The following UGT1A8 variants were observed in gnomAD, a reference collection of about 807,000 sequenced individuals.
The protein encoded by UGT1A8 is UDP glucuronosyltransferase family 1 member A8.
UGT1A8 carries 39 observed loss-of-function variants against 45.3 expected under a neutral mutation model. The observed-to-expected ratio is 0.86, with a 90% confidence interval of 0.67 to 1.12. The LOEUF (loss-of-function observed/expected upper bound fraction) is 1.12, where lower values mean the gene tolerates loss of function less well. Among genes scored for constraint, UGT1A8 ranks in the 50% most tolerant of loss-of-function variants. The pLI is 0.00. For missense variants in UGT1A8, 719 were observed against 664.9 expected (o/e 1.08, Z -0.90); for synonymous variants, 275 against 249.2 (o/e 1.10, Z -0.97).
intron 1 of UGT1A8, among the ~76,000 whole-genome samples, chr2:233,758,114 C>T (rs192892910): frequency 7.9e-5 from 12 of 152,298 alleles, no homozygotes; most frequent in South Asian, 2.1e-4. Context: ...AGGGCTCACA[C>T]GTTCCATAAA....
chr2:233,723,201 A>T (rs11677089), intron 1 of UGT1A8, among the ~76,000 whole-genome samples: 2,577 of 129,328 alleles, frequency 0.02, 30 homozygotes, highest in Non-Finnish European at 0.026. Context: ...TGGTAAAAAA[A>T]GTCAAAACTG....
chr2:233,626,403 G>A (rs759705695), intron 1 of UGT1A8, among the ~76,000 whole-genome samples: 39 of 151,800 alleles, frequency 2.6e-4, no homozygotes, highest in Non-Finnish European at 4.9e-4. Context: ...TTAATTCCTC[G>A]AGTGTGGTGT....
At chr2:233,682,391 G>A (rs767701410) in intron 1 of UGT1A8, 9 of 1,613,738 alleles carry the variant, frequency 5.6e-6, no homozygotes, top group African/African-American at 2.7e-5. Flanking sequence ...TCCTTTTGAT[G>A]CCTGTGGCTT....
intron 1 of UGT1A8, among the ~76,000 whole-genome samples, chr2:233,738,477 G>C (rs971989724): frequency 6.6e-6 from 1 of 152,224 alleles, no homozygotes; most frequent in African/African-American, 2.4e-5. Context: ...GAACTTCCTG[G>C]AGACTTGTTG....
intron 1 of UGT1A8, among the ~76,000 whole-genome samples, chr2:233,710,292 TGTTGG>T (rs2076124594): frequency 6.6e-6 from 1 of 152,204 alleles, no homozygotes; most frequent in African/African-American, 2.4e-5. Context: ...AAAGTGGGAT[TGTTGG>T]GTTGCATGGT....
Position 233,693,985 on chromosome 2 carries a change from A to T in UGT1A8, c.856-73049A>T. On this transcript the variant is annotated intron_variant, in intron 1 of 4. Coordinates refer to ENST00000373450, the MANE Select transcript of UGT1A8 (RefSeq NM_019076.5). Reference sequence around the variant, plus strand: ...ATTTCCTGGAGAAACGGTGGGGGGAAGTGATACCCGGCTCGGAGCAGCGGG... The same window carrying T: ...ATTTCCTGGAGAAACGGTGGGGGGATGTGATACCCGGCTCGGAGCAGCGGG... 3 of 1,547,250 alleles carry T rather than the reference A, an allele frequency of 1.9e-6. No individual in the cohort carries two copies. The Admixed American group carries it at 5.6e-5, about 29-fold the overall frequency.
intron 1 of UGT1A8, chr2:233,682,648 C>T: frequency 6.2e-7 from 1 of 1,613,878 alleles, no homozygotes; most frequent in South Asian, 1.1e-5. Context: ...TTCTCCAAAC[C>T]CCTGTCACGG....
intron 1 of UGT1A8, chr2:233,761,188 C>A: frequency 6.2e-7 from 1 of 1,614,130 alleles, no homozygotes; most frequent in Non-Finnish European, 8.5e-7. Context: ...TGCGTATATT[C>A]TTTCAGATGT....
chr2:233,713,196 A>C (rs775448281), intron 1 of UGT1A8: 1 of 1,614,238 alleles, frequency 6.2e-7, no homozygotes, highest in Non-Finnish European at 8.5e-7. Flanking sequence ...GAATATGTAC[A>C]TCAAAGAAGA....
intron 1 of UGT1A8, among the ~76,000 whole-genome samples, chr2:233,637,998 C>T (rs1366403932): frequency 6.6e-6 from 1 of 152,128 alleles, no homozygotes; most frequent in Non-Finnish European, 1.5e-5. Context: ...TCCACTCTTT[C>T]CTTTTGTGAA....
At chr2:233,677,987 TA>T (rs1292302643) in intron 1 of UGT1A8, among the ~76,000 whole-genome samples, 2 of 152,002 alleles carry the variant, frequency 1.3e-5, no homozygotes, top group East Asian at 3.8e-4. Flanking sequence ...TATGCAGCCA[TA>T]AAAAAAGAAT....
At chr2:233,741,258 T>C (rs1466161832) in intron 1 of UGT1A8, among the ~76,000 whole-genome samples, 3 of 151,876 alleles carry the variant, frequency 2.0e-5, no homozygotes, top group African/African-American at 7.3e-5. Context: ...ATGCCACTCT[T>C]TGCTGACCAC....
intron 1 of UGT1A8, chr2:233,690,698 A>G (rs1327185756): frequency 8.1e-7 from 1 of 1,235,234 alleles, no homozygotes; most frequent in Non-Finnish European, 1.0e-6. Context: ...GCTACTCTTT[A>G]GGGATCGTCA....
intron 1 of UGT1A8, chr2:233,637,163 T>G (rs2073317775): frequency 6.2e-6 from 10 of 1,613,840 alleles, no homozygotes; most frequent in Non-Finnish European, 8.5e-6. Context: ...ATCGTGCACT[T>G]GGAGGACCAT....
At chr2:233,715,970 T>C (rs1015053645) in intron 1 of UGT1A8, among the ~76,000 whole-genome samples, 4 of 152,216 alleles carry the variant, frequency 2.6e-5, no homozygotes, top group East Asian at 1.9e-4. Flanking sequence ...GATTGACTGA[T>C]TGATTGATTT....
chr2:233,701,221 T>G (rs910268891), intron 1 of UGT1A8, among the ~76,000 whole-genome samples: 4 of 152,182 alleles, frequency 2.6e-5, no homozygotes, highest in Non-Finnish European at 4.4e-5. Context: ...TTATAATCCT[T>G]TGGGTATATA....
intron 1 of UGT1A8, chr2:233,747,826 T>C: frequency 3.7e-6 from 6 of 1,613,534 alleles, no homozygotes; most frequent in Non-Finnish European, 5.1e-6. Context: ...TCAGACCACA[T>C]GACATTCCTG....
chr2:233,714,773 T>G (rs2076411082), intron 1 of UGT1A8, among the ~76,000 whole-genome samples: 1 of 152,258 alleles, frequency 6.6e-6, no homozygotes, highest in African/African-American at 2.4e-5. Flanking sequence ...TATCTCAATT[T>G]GGAATAGCCA....
At chr2:233,698,261 A>G (rs911865957) in intron 1 of UGT1A8, among the ~76,000 whole-genome samples, 9 of 152,224 alleles carry the variant, frequency 5.9e-5, no homozygotes, top group Non-Finnish European at 1.3e-4. Context: ...TTGTCCAATA[A>G]TCAAACCATT....
Sources: gnomAD v4.1 joint callset for allele counts (sites outside exome capture counted in the v4.1 genomes callset) on GRCh38, gnomAD v4.1.1 for gene constraint, MANE v1.5 for transcripts, NCBI Gene and HGNC (gene_info 2026-07-23, HGNC 2026-07-21) for gene names.